Variants in OR9Q1 observed in about 807,000 individuals in gnomAD.
OR9Q1 encodes the protein olfactory receptor family 9 subfamily Q member 1, also known as olfactory receptor 9Q1.
For synonymous variants in OR9Q1, 153 were observed against 148.6 expected, an observed-to-expected ratio of 1.03 and a Z score of -0.22; for missense variants, 374 against 378.8, an observed-to-expected ratio of 0.99 and a Z score of 0.11.
At chr11:58,040,364 G>A (rs758929821) in intron 1 of OR9Q1, among the ~76,000 whole-genome samples, 1 of 152,178 alleles carries the variant, frequency 6.6e-6, no homozygotes, top group Admixed American at 6.5e-5. Flanking sequence ...AGAGAGGTGA[G>A]GTAACATGCT....
intron 2 of OR9Q1, among the ~76,000 whole-genome samples, chr11:58,129,261 G>T (rs113003693): frequency 0.073 from 10,891 of 148,468 alleles, 563 homozygotes; most frequent in Non-Finnish European, 0.1. Flanking sequence ...GTGTGTGTGT[G>T]TGTGTGTGTG....
intron 2 of OR9Q1, among the ~76,000 whole-genome samples, chr11:58,158,292 G>A (rs1341979649): frequency 2.0e-5 from 3 of 152,124 alleles, no homozygotes; most frequent in African/African-American, 7.2e-5. Context: ...TGGTACTTGT[G>A]TTTTTTGGTT....
intron 2 of OR9Q1, among the ~76,000 whole-genome samples, chr11:58,129,195 C>T (rs138472043): frequency 9.6e-4 from 145 of 151,614 alleles, no homozygotes; most frequent in Middle Eastern, 6.8e-3. Flanking sequence ...GTTGCCACAA[C>T]GTCCGATTAA....
intron 2 of OR9Q1, among the ~76,000 whole-genome samples, chr11:58,147,733 G>A (rs540955615): frequency 2.0e-5 from 3 of 152,262 alleles, no homozygotes. Flanking sequence ...CTGGGGAATG[G>A]TGTATGTTGT....
chr11:58,179,434 C>T lies in OR9Q1; in HGVS notation c.-11C>T. 1 of 1,539,888 alleles carries T rather than the reference C, an allele frequency of 6.5e-7. No individual in the cohort carries two copies. The highest frequency in any genetic ancestry group is 8.8e-7 in the Non-Finnish European group (1 of 1,139,522). On this transcript the variant is annotated 5_prime_UTR_variant, in exon 3 of 3. Coordinates refer to ENST00000335397, the MANE Select transcript of OR9Q1 (RefSeq NM_001005212.4). ...CTTCCCATTCTACATGTCTCAGGGA[C>T]CACTGGTGTCATGGCAGAGATGAAC...
chr11:58,088,017 A>G (rs1360217740), intron 2 of OR9Q1, among the ~76,000 whole-genome samples: 1 of 151,744 alleles, frequency 6.6e-6, no homozygotes, highest in African/African-American at 2.4e-5. Context: ...CCTCCCGAGT[A>G]TCTGGGATTA....
chr11:58,115,960 G>C (rs1853950251), intron 2 of OR9Q1, among the ~76,000 whole-genome samples: 2 of 152,048 alleles, frequency 1.3e-5, no homozygotes, highest in African/African-American at 4.8e-5. Context: ...GTGATTTAAA[G>C]CTTTGTCATA....
At chr11:58,025,032 C>T (rs1285894119) in intron 1 of OR9Q1, among the ~76,000 whole-genome samples, 3 of 152,200 alleles carry the variant, frequency 2.0e-5, no homozygotes, top group Non-Finnish European at 4.4e-5. Flanking sequence ...CTCTCTGAGC[C>T]TTCAGTGATT....
At chr11:58,118,917 G>A in intron 2 of OR9Q1, 1 of 1,614,048 alleles carries the variant, frequency 6.2e-7, no homozygotes, top group Non-Finnish European at 8.5e-7. Context: ...CACAGAAGAA[G>A]AAGTTTATTT....
intron 2 of OR9Q1, among the ~76,000 whole-genome samples, chr11:58,103,964 G>T (rs1853815407): frequency 6.6e-6 from 1 of 152,160 alleles, no homozygotes; most frequent in Non-Finnish European, 1.5e-5. Flanking sequence ...CTGGTTCTCA[G>T]GCCAAGGGTG....
chr11:58,092,032 G>A (rs1309962188), intron 2 of OR9Q1, among the ~76,000 whole-genome samples: 1 of 150,878 alleles, frequency 6.6e-6, no homozygotes, highest in Non-Finnish European at 1.5e-5. Context: ...TTGAGCCTAT[G>A]TGTTTCTTTG....
At chr11:58,069,553 A>G (rs1853466123) in intron 2 of OR9Q1, among the ~76,000 whole-genome samples, 1 of 152,118 alleles carries the variant, frequency 6.6e-6, no homozygotes, top group Non-Finnish European at 1.5e-5. Flanking sequence ...GGGCTCTGCT[A>G]TGTCCCCTGA....
chr11:58,095,237 G>C (rs144640070), intron 2 of OR9Q1, among the ~76,000 whole-genome samples: 20 of 152,316 alleles, frequency 1.3e-4, no homozygotes, highest in Admixed American at 3.9e-4. Flanking sequence ...TGGAAAACCT[G>C]TCAGCTTTGT....
rs150281705 is a variant in OR9Q1, at chr11:58,161,521, T to C, written c.-14-17910T>C. Among the ~76,000 whole-genome samples the C allele has an allele frequency of 5.7e-3, 868 of 151,286 alleles. 10 individuals carry two copies. Among genetic ancestry groups the C allele is most frequent in the African/African-American group, 0.02 (839 of 41,164 alleles). On this transcript the variant is annotated intron_variant, in intron 2 of 2. Transcript: ENST00000335397. The stretch of plus-strand genomic sequence containing the variant: ...ACATATCCTTATAATAAATTTCCTT[T>C]TGTTTTTGTTTTGCTCAGGCTTATT...
Position 58,169,467 on chromosome 11 carries a change from CT to C in OR9Q1, c.-14-9963del, listed in dbSNP as rs565211582. Reference sequence around the variant, plus strand: ...AACTTTTTCATGGTTCTCTTTCCCCCTGGTGGCATTTTTTGCTTTAAACTCT... The same window carrying C: ...AACTTTTTCATGGTTCTCTTTCCCCCGGTGGCATTTTTTGCTTTAAACTCT... On this transcript the variant is annotated intron_variant, in intron 2 of 2. Transcript: ENST00000335397. 3.7e-3 allele frequency among the ~76,000 whole-genome samples: 557 copies of C among 149,448 alleles called. 3 individuals carry two copies. The highest frequency in any genetic ancestry group is 0.012 in the African/African-American group (469 of 39,620).
chr11:58,028,850 A>G (rs1853001731), intron 1 of OR9Q1, among the ~76,000 whole-genome samples: 1 of 152,204 alleles, frequency 6.6e-6, no homozygotes, highest in Admixed American at 6.5e-5. Context: ...TTTTATCTCT[A>G]CATGCTTTCA....
At chr11:58,176,952 G>A (rs1202705994) in intron 2 of OR9Q1, among the ~76,000 whole-genome samples, 1 of 152,136 alleles carries the variant, frequency 6.6e-6, no homozygotes, top group Non-Finnish European at 1.5e-5. Context: ...AGAGAGAAGA[G>A]GACCTGCCAG....
At chr11:58,065,912 G>GT (rs1190565825) in intron 2 of OR9Q1, among the ~76,000 whole-genome samples, 1 of 152,176 alleles carries the variant, frequency 6.6e-6, no homozygotes, top group Non-Finnish European at 1.5e-5. Flanking sequence ...ACACAGCCTA[G>GT]TGTGGATTCA....
chr11:58,094,931 C>G (rs904542784), intron 2 of OR9Q1, among the ~76,000 whole-genome samples: 1 of 152,192 alleles, frequency 6.6e-6, no homozygotes, highest in Non-Finnish European at 1.5e-5. Context: ...ATGGACATTA[C>G]TATTACTTCC....
Sources: gnomAD v4.1 joint callset for allele counts (sites outside exome capture counted in the v4.1 genomes callset) on GRCh38, gnomAD v4.1.1 for gene constraint, MANE v1.5 for transcripts, NCBI Gene and HGNC (gene_info 2026-07-23, HGNC 2026-07-21) for gene names.